DOCK8: variants seen among roughly 807,000 people sequenced by gnomAD.
DOCK8 encodes the protein dedicator of cytokinesis 8.
Under a neutral mutation model 245.6 loss-of-function variants are expected in DOCK8, and 141 were observed. That is an observed-to-expected ratio of 0.57 (90% CI 0.50 to 0.66). The LOEUF (loss-of-function observed/expected upper bound fraction) is 0.66, where lower values mean the gene tolerates loss of function less well. DOCK8 is among the 30% of genes least tolerant of loss of function. The pLI, the probability that DOCK8 is intolerant of heterozygous loss-of-function variation, is 0.00. For missense variants in DOCK8, 2,965 were observed against 2,603.4 expected (o/e 1.14, Z -3.02); for synonymous variants, 1,168 against 970.2 (o/e 1.20, Z -3.79).
intron 29 of DOCK8, 128 bp downstream of exon 29, chr9:415,079 C>G: frequency 3.8e-6 from 5 of 1,318,158 alleles, no homozygotes; most frequent in Admixed American, 1.7e-5. Context: ...CAAAAATGGT[C>G]TCCAAACCTC....
chr9:215,432 G>T (rs2046727220), intron 1 of DOCK8: 2 of 1,507,096 alleles, frequency 1.3e-6, no homozygotes, highest in Non-Finnish European at 8.8e-7. Context: ...TCTGAGCGCG[G>T]GGGGAAGAAG....
chr9:449,002 T>TG (rs1220532787), intron 44 of DOCK8, among the ~76,000 whole-genome samples: 3 of 152,170 alleles, frequency 2.0e-5, no homozygotes, highest in East Asian at 1.9e-4. Flanking sequence ...TGTGTTATGA[T>TG]GGGGGAGAAA....
chr9:432,835 C>T (rs921692320), intron 37 of DOCK8, among the ~76,000 whole-genome samples: 4 of 151,944 alleles, frequency 2.6e-5, no homozygotes, highest in Admixed American at 6.6e-5. Flanking sequence ...AAGGAAGGGC[C>T]GAGTTTGAGA....
At chr9:346,019 C>T (rs532614148) in intron 14 of DOCK8, among the ~76,000 whole-genome samples, 8 of 152,096 alleles carry the variant, frequency 5.3e-5, no homozygotes, top group East Asian at 2.0e-4. Context: ...ACCAGCGGCT[C>T]GGGCCCTCTG....
chr9:438,235 C>T (rs986843532), intron 39 of DOCK8, among the ~76,000 whole-genome samples: 3 of 152,198 alleles, frequency 2.0e-5, no homozygotes, highest in African/African-American at 7.2e-5. Flanking sequence ...GTTCACAAGC[C>T]AACTCTGATC....
intron 14 of DOCK8, among the ~76,000 whole-genome samples, chr9:348,871 C>G (rs548802533): frequency 6.6e-6 from 1 of 152,242 alleles, no homozygotes; most frequent in African/African-American, 2.4e-5. Flanking sequence ...TTCTGACCTC[C>G]TCATGTGCTT....
In DOCK8 at chr9:418,138, G is replaced by C. The variant is rs1400961812; in HGVS notation, c.3771G>C (p.Gln1257His). Residue 1257 changes from glutamine to histidine, a missense_variant, in exon 30 of 48, where the codon CAG becomes CAC. Gln to His is a conservative substitution (Grantham distance 24). Transcript: ENST00000432829. ...EEQEGAGAINQNVALAIAGNN... is the reference protein window; with the variant it reads ...EEQEGAGAINHNVALAIAGNN... ...AAGAAGGAGCCGGTGCCATTAACCA[G>C]AATGTGGCTCTGGCCATAGCAGGGA... 1 of 1,614,234 alleles carries C rather than the reference G, an allele frequency of 6.2e-7. No individual in the cohort carries two copies. Among genetic ancestry groups the C allele is most frequent in the East Asian group, 2.2e-5 (1 of 44,892 alleles).
At chr9:424,172 A>C (rs1480676749) in intron 33 of DOCK8, among the ~76,000 whole-genome samples, 2 of 150,708 alleles carry the variant, frequency 1.3e-5, no homozygotes, top group Non-Finnish European at 2.9e-5. Flanking sequence ...CTTTCTGATC[A>C]TTTTTCGATT....
At chr9:418,005 G>A (rs2056102365) in intron 29 of DOCK8, 63 bp from the exon 30 acceptor site, 1 of 1,609,004 alleles carries the variant, frequency 6.2e-7, no homozygotes, top group Admixed American at 1.7e-5. Flanking sequence ...GTCTCTTATT[G>A]GGTAGGGGAC....
At chr9:243,253 G>T (rs945368761) in intron 1 of DOCK8, among the ~76,000 whole-genome samples, 1 of 152,086 alleles carries the variant, frequency 6.6e-6, no homozygotes, top group Admixed American at 6.6e-5. Flanking sequence ...GTTTCTTTAC[G>T]TGTATAACAA....
rs1586935140 is a variant in DOCK8, at chr9:405,088, A to G, written c.3390+15A>G. On this transcript the variant is annotated intron_variant, in intron 27 of 47. Transcript: ENST00000432829. ...TATCTTCCCAGGTAATAAAAGAATT[A>G]TTTAACTAAAAGAATTATTCAAGCT... is the stretch of plus-strand genomic sequence containing the variant. 4.4e-6 allele frequency: 7 copies of G among 1,606,576 alleles called. No individual in the cohort carries two copies. The East Asian group carries it at 1.3e-4, about 31-fold the overall frequency.
intron 5 of DOCK8, among the ~76,000 whole-genome samples, chr9:305,782 A>G (rs1229787093): frequency 1.3e-5 from 2 of 152,224 alleles, no homozygotes; most frequent in Non-Finnish European, 2.9e-5. Context: ...GCCAAAGAAC[A>G]ATAGCCAAAT....
intron 33 of DOCK8, among the ~76,000 whole-genome samples, 199 bp downstream of exon 33, chr9:422,334 G>A (rs1206466722): frequency 6.6e-6 from 1 of 152,118 alleles, no homozygotes; most frequent in African/African-American, 2.4e-5. Flanking sequence ...TTAAAAATTT[G>A]TCACATTGAT....
chr9:413,891 C>T (rs73639212), intron 28 of DOCK8, among the ~76,000 whole-genome samples: 5,733 of 152,268 alleles, frequency 0.038, 371 homozygotes, highest in African/African-American at 0.13. Flanking sequence ...CCTATAATCT[C>T]AGCACTTTGG....
Position 286,454 on chromosome 9 carries a change from C to G in DOCK8, c.157-7C>G. ...GAACCTCCTTTTCCTTTTCCCTGCC[C>G]CTCCAGCCTCAGTTTTATGACCCTG... is the stretch of plus-strand genomic sequence containing the variant. On this transcript the variant is annotated splice_polypyrimidine_tract_variant and splice_region_variant and intron_variant, in intron 2 of 47. Coordinates refer to ENST00000432829, the MANE Select transcript of DOCK8 (RefSeq NM_203447.4). 1 of 1,613,546 alleles carries G rather than the reference C, an allele frequency of 6.2e-7. No individual in the cohort carries two copies. Among genetic ancestry groups the G allele is most frequent in the South Asian group, 1.1e-5 (1 of 91,034 alleles).
chr9:300,564 CA>C (rs763894387), intron 4 of DOCK8, among the ~76,000 whole-genome samples: 43 of 140,822 alleles, frequency 3.1e-4, no homozygotes, highest in East Asian at 1.6e-3. Flanking sequence ...GTTTGTGATT[CA>C]AAAAAAAAAC....
intron 2 of DOCK8, among the ~76,000 whole-genome samples, chr9:277,472 A>AGGGGAGGGGAGGGGAGGGGAGGGGAGGGG: frequency 8.0e-5 from 10 of 124,922 alleles, no homozygotes; most frequent in African/African-American, 8.4e-5. Flanking sequence ...AAGAGAAGAG[A>AGGGGAGGGGAGGGGAGGGGAGGGGAGGGG]AGAGAAGAGA....
In DOCK8 at chr9:443,440, A is replaced by G; in HGVS notation, c.5504A>G (p.Gln1835Arg). 6.2e-7 allele frequency: 1 copy of G among 1,614,082 alleles called. No individual in the cohort carries two copies. Among genetic ancestry groups the G allele is most frequent in the Non-Finnish European group, 8.5e-7 (1 of 1,179,992 alleles). ...ISHRLEAFYG[Q>R]CFGAEFVEVI... ...CTTCTTACCTAGGCATTTTATGGTC[A>G]ATGTTTTGGTGCAGAATTTGTGGAA... The change falls in exon 43 of 48, where the codon CAA becomes CGA. Residue 1835 changes from glutamine to arginine, a missense_variant. Gln to Arg is a conservative substitution (Grantham distance 43). This residue lies in a region of DOCK8 where 2,825 missense variants were observed against 2,453.5 expected (regional missense o/e 1.15). Transcript: ENST00000432829.
chr9:252,126 A>G (rs368698168), intron 1 of DOCK8, among the ~76,000 whole-genome samples: 1 of 151,904 alleles, frequency 6.6e-6, no homozygotes. Context: ...GGCATATGCC[A>G]CCATGCCCGG....
Sources: gnomAD v4.1 joint callset for allele counts (sites outside exome capture counted in the v4.1 genomes callset) on GRCh38, gnomAD v4.1.1 for gene constraint, gnomAD v4.1.1 regional missense constraint, MANE v1.5 for transcripts, NCBI Gene and HGNC (gene_info 2026-07-23, HGNC 2026-07-21) for gene names.